Variants in NDUFA10 observed in about 807,000 individuals in gnomAD.
NDUFA10 encodes the protein NADH:ubiquinone oxidoreductase subunit A10, also known as NADH dehydrogenase [ubiquinone] 1 alpha subcomplex subunit 10, mitochondrial.
A neutral mutation model predicts 47.8 loss-of-function variants in NDUFA10; 40 were observed. The observed-to-expected ratio is 0.84, with a 90% CI of 0.65 to 1.09. NDUFA10 has a LOEUF of 1.09. Among genes scored for constraint, NDUFA10 ranks in the 50% least tolerant of loss-of-function variants. The pLI is 0.00. For synonymous variants in NDUFA10, 183 were observed against 172.2 expected (o/e 1.06, Z -0.49); for missense variants, 413 against 451.1 (o/e 0.92, Z 0.76).
At chr2:240,020,067 C>G (rs76280785) in intron 3 of NDUFA10, among the ~76,000 whole-genome samples, 1 of 152,176 alleles carries the variant, frequency 6.6e-6, no homozygotes, top group Non-Finnish European at 1.5e-5. Context: ...ACTCCACCAC[C>G]GTACAACTGT....
intron 9 of NDUFA10, among the ~76,000 whole-genome samples, chr2:239,965,006 G>C (rs539947261): frequency 8.5e-5 from 13 of 152,258 alleles, no homozygotes; most frequent in Non-Finnish European, 1.8e-4. Context: ...GTCATTTAAT[G>C]TTTTACCCAA....
chr2:239,972,495 T>G (rs986786474), intron 9 of NDUFA10, among the ~76,000 whole-genome samples: 1 of 151,898 alleles, frequency 6.6e-6, no homozygotes, highest in East Asian at 1.9e-4. Context: ...CTGCTTGGAG[T>G]TTTTCATTAA....
intron 3 of NDUFA10, among the ~76,000 whole-genome samples, chr2:240,019,853 C>T (rs182589813): frequency 7.2e-6 from 1 of 139,310 alleles, no homozygotes; most frequent in African/African-American, 2.8e-5. Flanking sequence ...AAAAAAAGAA[C>T]GTGGAGTAAG....
chr2:239,956,060 T>C (rs929472129), downstream of NDUFA10, among the ~76,000 whole-genome samples: 5 of 152,120 alleles, frequency 3.3e-5, no homozygotes, highest in African/African-American at 4.8e-5. Flanking sequence ...AGGCAGGGAC[T>C]GGGAGTTTCT....
intron 4 of NDUFA10, among the ~76,000 whole-genome samples, chr2:239,926,650 T>A (rs1319228896): frequency 1.3e-4 from 20 of 152,138 alleles, no homozygotes; most frequent in Admixed American, 1.3e-3. Context: ...CAGCCTCAGA[T>A]AAGTCCTTCA....
At chr2:239,950,172 C>A (rs1694527601) in intron 4 of NDUFA10, among the ~76,000 whole-genome samples, 1 of 152,214 alleles carries the variant, frequency 6.6e-6, no homozygotes, top group Non-Finnish European at 1.5e-5. Context: ...AGCCCCTCCG[C>A]CCCATGCTGT....
chr2:239,902,704 A>G (rs1693575500), intron 4 of NDUFA10, among the ~76,000 whole-genome samples: 1 of 152,124 alleles, frequency 6.6e-6, no homozygotes, highest in Non-Finnish European at 1.5e-5. Context: ...CGTTCTGTGC[A>G]TGCCTGGTGT....
In NDUFA10 at chr2:239,911,888, G is replaced by T. The variant is rs190735818; in HGVS notation, c.295-16574C>A. 2.0e-4 allele frequency among the ~76,000 whole-genome samples: 30 copies of T among 152,162 alleles called. No individual in the cohort carries two copies. The East Asian group carries it at 5.3e-3, about 27-fold the overall frequency. The stretch of plus-strand genomic sequence containing the variant: ...ACAAGAATCACAGCTTCAAGGAAGT[G>T]GGGGAGGCACCGACTCCAGTGGGAC... On this transcript the variant is annotated intron_variant, in intron 4 of 5. Coordinates refer to the NDUFA10 transcript ENST00000419408.
chr2:239,893,646 A>G (rs1436134780), intron 5 of NDUFA10, among the ~76,000 whole-genome samples: 1 of 152,142 alleles, frequency 6.6e-6, no homozygotes, highest in Non-Finnish European at 1.5e-5. Flanking sequence ...GCCCTTCCAT[A>G]AGGCACTAAT....
intron 4 of NDUFA10, among the ~76,000 whole-genome samples, chr2:239,920,372 A>C (rs969553391): frequency 4.6e-5 from 7 of 152,192 alleles, no homozygotes. Context: ...TCCCCTTGCC[A>C]TGGGGACTGG....
At chr2:239,930,472 G>C (rs1478965851) in intron 4 of NDUFA10, among the ~76,000 whole-genome samples, 1 of 151,654 alleles carries the variant, frequency 6.6e-6, no homozygotes, top group Non-Finnish European at 1.5e-5. Context: ...GAAATGACCA[G>C]GTCACACCAA....
intron 4 of NDUFA10, among the ~76,000 whole-genome samples, chr2:239,911,177 C>T (rs1693747506): frequency 6.6e-6 from 1 of 152,198 alleles, no homozygotes; most frequent in Non-Finnish European, 1.5e-5. Context: ...CAAGCAACAC[C>T]ACTTACTACT....
intron 4 of NDUFA10, among the ~76,000 whole-genome samples, chr2:239,921,290 T>C (rs1168550404): frequency 3.0e-5 from 4 of 131,388 alleles, no homozygotes. Context: ...CCACGGACCT[T>C]TGCCATGAGT....
chr2:239,906,333 C>T lies in NDUFA10; in HGVS notation c.295-11019G>A, dbSNP rs377501722. ...TTGCTGACTGTCTAGGCACTGACCA[C>T]GCCCTGTTGATAGACGCCGAGGCCA... On this transcript the variant is annotated intron_variant, in intron 4 of 5. Transcript: ENST00000419408. The surrounding 1 kb of genome is among the most constrained non-coding windows in gnomAD (Gnocchi z 4.3). Among the ~76,000 whole-genome samples the T allele has an allele frequency of 1.3e-5, 2 of 152,162 alleles. No individual in the cohort carries two copies. Among genetic ancestry groups the T allele is most frequent in the Admixed American group, 6.5e-5 (1 of 15,286 alleles).
chr2:240,009,302 C>T (rs1297250476), intron 6 of NDUFA10, among the ~76,000 whole-genome samples: 2 of 152,224 alleles, frequency 1.3e-5, no homozygotes, highest in Non-Finnish European at 2.9e-5. Context: ...TTGTGTACCT[C>T]TGTGTCTCAG....
chr2:239,986,865 C>T (rs1696023088), intron 9 of NDUFA10, among the ~76,000 whole-genome samples: 1 of 152,130 alleles, frequency 6.6e-6, no homozygotes, highest in Non-Finnish European at 1.5e-5. Flanking sequence ...ATAGTGAAGA[C>T]ACCACCTTAA....
intron 1 of NDUFA10, among the ~76,000 whole-genome samples, chr2:240,024,109 A>C (rs1192696225): frequency 6.6e-6 from 1 of 152,240 alleles, no homozygotes; most frequent in Non-Finnish European, 1.5e-5. Flanking sequence ...TACATGAGTA[A>C]TCGCTCTTCC....
chr2:239,914,116 GAC>G (rs1199591227), intron 4 of NDUFA10, among the ~76,000 whole-genome samples: 2 of 152,010 alleles, frequency 1.3e-5, no homozygotes, highest in African/African-American at 4.8e-5. Context: ...AACACACACA[GAC>G]ACACACAAAT....
intron 9 of NDUFA10, among the ~76,000 whole-genome samples, chr2:239,965,683 C>T (rs574215167): frequency 6.6e-6 from 1 of 152,298 alleles, no homozygotes; most frequent in East Asian, 1.9e-4. Flanking sequence ...CTATCAAGGC[C>T]GTACACCCAC....
Sources: gnomAD v4.1 joint callset for allele counts (sites outside exome capture counted in the v4.1 genomes callset) on GRCh38, gnomAD v4.1.1 for gene constraint, Gnocchi (gnomAD v3.1) non-coding constraint, MANE v1.5 for transcripts, NCBI Gene and HGNC (gene_info 2026-07-23, HGNC 2026-07-21) for gene names.